DIAPH2: variants seen among roughly 807,000 people sequenced by gnomAD.
The protein encoded by DIAPH2 is protein diaphanous homolog 2.
DIAPH2 carries 35 observed loss-of-function variants against 92.7 expected under a neutral mutation model. The observed-to-expected ratio is 0.38, with a 90% CI of 0.29 to 0.50. DIAPH2 has a LOEUF of 0.50. Ranked by LOEUF, DIAPH2 falls within the 20% of genes least tolerant of loss-of-function variation. The pLI is 0.94. For synonymous variants in DIAPH2, 301 were observed against 280.4 expected (o/e 1.07, Z -0.73); for missense variants, 701 against 819.5 (o/e 0.86, Z 1.77).
intron 21 of DIAPH2, among the ~76,000 whole-genome samples, chrX:97,127,705 T>A (rs923181072): frequency 8.9e-6 from 1 of 112,713 alleles, no homozygotes; most frequent in Admixed American, 9.4e-5. Flanking sequence ...ACTGACATAC[T>A]ATAAAATTTA....
At chrX:97,016,520 G>T (rs949790392) in intron 17 of DIAPH2, among the ~76,000 whole-genome samples, 1 of 111,974 alleles carries the variant, frequency 8.9e-6, no homozygotes, top group Non-Finnish European at 1.9e-5. Flanking sequence ...TGTATAAAAC[G>T]TTGGTCATGT....
In DIAPH2 at chrX:97,072,958, G is replaced by A; in HGVS notation, c.2068G>A (p.Ala690Thr). 1.7e-6 allele frequency: 2 copies of A among 1,197,603 alleles called. No homozygotes were observed. Among genetic ancestry groups the A allele is most frequent in the Non-Finnish European group, 1.1e-6 (1 of 889,903 alleles). The part of the protein sequence containing the change: ...TQIKVQKNAE[A>T]LEEKKTGPTK... ...TCTTTCAGTTCAAAAGAACGCAGAA[G>A]CATTAGAAGAAAAGAAGACTGGGCC... Residue 690 changes from alanine (A) to threonine (T), a missense_variant, in exon 18 of 27, where the codon GCA becomes ACA. By Grantham distance (58) the Ala-to-Thr change is moderately conservative. Coordinates refer to ENST00000324765, the MANE Select transcript of DIAPH2 (RefSeq NM_006729.5).
chrX:97,007,736 CCTTTTAAGGCTGTTTTCTTTTTTTCTT>C (rs1282115934), intron 17 of DIAPH2, among the ~76,000 whole-genome samples: 3 of 105,945 alleles, frequency 2.8e-5, no homozygotes, highest in African/African-American at 1.0e-4. Context: ...ATCTATTTGA[CCTTTTAAGGCTGTTTTCTTTTTTTCTT>C]TTTTTTTTTT....
intron 24 of DIAPH2, among the ~76,000 whole-genome samples, chrX:97,379,022 A>G (rs895228654): frequency 8.9e-6 from 1 of 111,993 alleles, no homozygotes; most frequent in Non-Finnish European, 1.9e-5. Flanking sequence ...TGATACTGTA[A>G]TGAACTGAAA....
chrX:96,919,607 A>T (rs1306258769), intron 9 of DIAPH2, among the ~76,000 whole-genome samples: 1 of 111,868 alleles, frequency 8.9e-6, no homozygotes, highest in Non-Finnish European at 1.9e-5. Context: ...TGTGAAACAA[A>T]CACAATTAAT....
In DIAPH2 at chrX:97,094,929, A is replaced by T. The variant is rs139719431; in HGVS notation, c.2248-4765A>T. ...CATTTGAAGAAAAGTAAAGGAACAC[A>T]TGATTTAAGAACAGTAAACACATAC... On this transcript the variant is annotated intron_variant, in intron 19 of 26. Coordinates refer to ENST00000324765, the MANE Select transcript of DIAPH2 (RefSeq NM_006729.5). Among the ~76,000 whole-genome samples the T allele has an allele frequency of 4.1e-3, 451 of 110,022 alleles. 3 individuals are homozygous for T. The highest frequency in any genetic ancestry group is 0.02 in the East Asian group (71 of 3,495).
At chrX:97,305,512 CAAAA>C (rs1378849910) in intron 23 of DIAPH2, among the ~76,000 whole-genome samples, 1 of 100,820 alleles carries the variant, frequency 9.9e-6, no homozygotes, top group African/African-American at 3.7e-5. Flanking sequence ...AACAAACAAA[CAAAA>C]AACAACAATA....
chrX:97,599,102 T>G, intron 26 of DIAPH2, 151 bp from the exon 27 acceptor site: 1 of 299,086 alleles, frequency 3.3e-6, no homozygotes, highest in Non-Finnish European at 6.1e-6. Flanking sequence ...CCGCATGAAC[T>G]CCTCAGATCT....
chrX:97,035,591 T>C (rs748961383), intron 17 of DIAPH2, among the ~76,000 whole-genome samples: 1 of 112,203 alleles, frequency 8.9e-6, no homozygotes, highest in African/African-American at 3.2e-5. Flanking sequence ...AATAAGGGAA[T>C]GTGGTCATAG....
intron 23 of DIAPH2, among the ~76,000 whole-genome samples, chrX:97,320,316 C>T (rs1341613224): frequency 2.7e-5 from 3 of 109,645 alleles, no homozygotes; most frequent in Non-Finnish European, 5.7e-5. Flanking sequence ...TCTAAATTAA[C>T]TAACTGTAGG....
At chrX:97,488,093 A>C (rs2070701604) in intron 26 of DIAPH2, among the ~76,000 whole-genome samples, 1 of 112,167 alleles carries the variant, frequency 8.9e-6, no homozygotes, top group African/African-American at 3.2e-5. Flanking sequence ...TCCCGGGTTC[A>C]AGCGATTCTT....
chrX:97,115,064 A>G, intron 21 of DIAPH2, 99 bp downstream of exon 21: 1 of 831,926 alleles, frequency 1.2e-6, no homozygotes, highest in East Asian at 3.3e-5. Flanking sequence ...ACAAAATTGT[A>G]TGCTTAAAAA....
At chrX:97,013,621 A>G (rs1193314675) in intron 17 of DIAPH2, among the ~76,000 whole-genome samples, 3 of 112,328 alleles carry the variant, frequency 2.7e-5, no homozygotes, top group Non-Finnish European at 5.6e-5. Flanking sequence ...TTCTGCAGTG[A>G]ACTCTTATTC....
chrX:96,928,977 T>A (rs766770380), intron 9 of DIAPH2, among the ~76,000 whole-genome samples: 2 of 111,920 alleles, frequency 1.8e-5, no homozygotes, highest in African/African-American at 3.2e-5. Flanking sequence ...CAGGACTCAT[T>A]AACTTGTTTC....
intron 17 of DIAPH2, among the ~76,000 whole-genome samples, chrX:96,993,403 C>T (rs1393971344): frequency 1.8e-5 from 2 of 112,261 alleles, no homozygotes; most frequent in African/African-American, 3.2e-5. Context: ...GAGGTTTAAT[C>T]GGCTTATGGT....
At chrX:97,409,837 T>A (rs928853653) in intron 25 of DIAPH2, among the ~76,000 whole-genome samples, 3 of 112,674 alleles carry the variant, frequency 2.7e-5, no homozygotes, top group Admixed American at 9.3e-5. Flanking sequence ...CCACCATTGC[T>A]GAGGCTTGAG....
intron 18 of DIAPH2, 86 bp from the exon 19 acceptor site, chrX:97,075,081 A>G (rs2066696162): frequency 1.7e-6 from 1 of 571,578 alleles, no homozygotes. Flanking sequence ...TCATATTTTG[A>G]GTCTATGAAA....
At chrX:97,535,518 C>T (rs1328588527) in intron 26 of DIAPH2, among the ~76,000 whole-genome samples, 2 of 111,553 alleles carry the variant, frequency 1.8e-5, no homozygotes, top group Non-Finnish European at 3.8e-5. Flanking sequence ...GTGGCATGAT[C>T]TCGGCTCACT....
At chrX:97,445,451 T>C (rs2070300566) in intron 26 of DIAPH2, among the ~76,000 whole-genome samples, 1 of 109,676 alleles carries the variant, frequency 9.1e-6, no homozygotes, top group African/African-American at 3.4e-5. Context: ...AGTCTCGCTC[T>C]GTTGCCCAGG....
Sources: allele counts gnomAD v4.1 joint callset (sites outside exome capture counted in the v4.1 genomes callset), GRCh38; gene constraint gnomAD v4.1.1; transcripts MANE v1.5; gene names NCBI Gene and HGNC (gene_info 2026-07-23, HGNC 2026-07-21).